Variants in SGPP2 observed in about 807,000 individuals in gnomAD.
SGPP2 encodes the protein sphingosine 1-phosphate phosphohydrolase 2.
SGPP2 carries 30 observed loss-of-function variants against 33.9 expected under a neutral mutation model. The ratio of observed to expected loss-of-function variants is 0.89; its 90% CI spans 0.66 to 1.20. The LOEUF (loss-of-function observed/expected upper bound fraction) is 1.20, where lower values mean the gene tolerates loss of function less well. Ranked by LOEUF, SGPP2 falls within the 50% of genes most tolerant of loss-of-function variation. The pLI, the probability that SGPP2 is intolerant of heterozygous loss-of-function variation, is 0.00. For missense variants in SGPP2, 458 were observed against 532.1 expected, an observed-to-expected ratio of 0.86 and a Z score of 1.37; for synonymous variants, 233 against 225.0, an observed-to-expected ratio of 1.04 and a Z score of -0.32.
At chr2:222,537,929 T>C (rs989988020) in intron 4 of SGPP2, among the ~76,000 whole-genome samples, 1 of 152,238 alleles carries the variant, frequency 6.6e-6, no homozygotes, top group Non-Finnish European at 1.5e-5. Context: ...AACAACCTGA[T>C]GTCCTTCAAC....
At chr2:222,552,475 T>C (rs1288870780) in intron 4 of SGPP2, among the ~76,000 whole-genome samples, 3 of 152,116 alleles carry the variant, frequency 2.0e-5, no homozygotes, top group Non-Finnish European at 2.9e-5. Context: ...GAGGAAAGGA[T>C]GAGAGGGGGG....
intron 1 of SGPP2, among the ~76,000 whole-genome samples, chr2:222,463,240 G>A (rs1559150619): frequency 6.6e-6 from 1 of 152,126 alleles, no homozygotes; most frequent in African/African-American, 2.4e-5. Flanking sequence ...TCACCCCAGG[G>A]ACTGGGAAGG....
intron 2 of SGPP2, among the ~76,000 whole-genome samples, chr2:222,482,397 T>G (rs535304638): frequency 6.6e-6 from 1 of 152,312 alleles, no homozygotes; most frequent in Non-Finnish European, 1.5e-5. Context: ...TTTATTTGAT[T>G]AATTGATTGA....
At chr2:222,533,746 C>T (rs1256764316) in intron 4 of SGPP2, among the ~76,000 whole-genome samples, 3 of 152,026 alleles carry the variant, frequency 2.0e-5, no homozygotes, top group African/African-American at 4.8e-5. Flanking sequence ...TTCATACTCT[C>T]GGTCTGCCAT....
intron 2 of SGPP2, 100 bp from the exon 3 acceptor site, chr2:222,521,667 C>T: frequency 3.1e-6 from 4 of 1,293,408 alleles, no homozygotes; most frequent in Non-Finnish European, 4.3e-6. Context: ...AAGGAGCCTT[C>T]AATCAACAAC....
At chr2:222,514,737 G>A (rs1233060124) in intron 2 of SGPP2, among the ~76,000 whole-genome samples, 1 of 152,126 alleles carries the variant, frequency 6.6e-6, no homozygotes, top group Non-Finnish European at 1.5e-5. Context: ...TTTTCATAGA[G>A]TGGCACTGTC....
intron 2 of SGPP2, among the ~76,000 whole-genome samples, chr2:222,496,762 C>T (rs1471336153): frequency 6.6e-6 from 1 of 152,184 alleles, no homozygotes; most frequent in Non-Finnish European, 1.5e-5. Flanking sequence ...CATGCTCTCA[C>T]CATTCCTGCT....
At chr2:222,429,536 T>A (rs4674646) in intron 1 of SGPP2, among the ~76,000 whole-genome samples, 113,704 of 152,164 alleles carry the variant, frequency 0.75, 42,666 homozygotes, top group Middle Eastern at 0.86. Context: ...AAGAGAAAGT[T>A]AAATTCATGC....
rs3943728 is a variant in SGPP2, at chr2:222,450,164, G to A, written c.220-24404G>A. Among the ~76,000 whole-genome samples the A allele has an allele frequency of 8.4e-3, 1,285 of 152,284 alleles. 24 individuals carry two copies. Among genetic ancestry groups the A allele is most frequent in the African/African-American group, 0.029 (1,187 of 41,552 alleles). ...CAAACATTTCTGCCTCCTCTGAGAC[G>A]AAGAAAGCACTCACTAACTGTTCCA... On this transcript the variant is annotated intron_variant, in intron 1 of 4. Transcript: ENST00000321276.
intron 2 of SGPP2, among the ~76,000 whole-genome samples, chr2:222,501,713 C>T (rs925757181): frequency 6.6e-6 from 1 of 152,150 alleles, no homozygotes; most frequent in Non-Finnish European, 1.5e-5. Flanking sequence ...AGAATAGATA[C>T]TCTCTGAGGC....
At chr2:222,534,824 G>A (rs115709768) in intron 4 of SGPP2, among the ~76,000 whole-genome samples, 25 of 152,232 alleles carry the variant, frequency 1.6e-4, no homozygotes, top group African/African-American at 5.8e-4. Flanking sequence ...TGTAAAAATA[G>A]GGAATTATTT....
chr2:222,489,597 A>G (rs1310186335), intron 2 of SGPP2, among the ~76,000 whole-genome samples: 1 of 152,090 alleles, frequency 6.6e-6, no homozygotes, highest in Non-Finnish European at 1.5e-5. Context: ...AAGTCTTCTA[A>G]TCTACAAAGA....
At chr2:222,435,855 GCCCATT>G (rs1697231515) in intron 1 of SGPP2, among the ~76,000 whole-genome samples, 1 of 152,284 alleles carries the variant, frequency 6.6e-6, no homozygotes, top group Non-Finnish European at 1.5e-5. Flanking sequence ...ACCTTCTACT[GCCCATT>G]CCCTTTGCCT....
intron 1 of SGPP2, among the ~76,000 whole-genome samples, chr2:222,431,364 G>A (rs1697152508): frequency 6.6e-6 from 1 of 152,036 alleles, no homozygotes; most frequent in Non-Finnish European, 1.5e-5. Flanking sequence ...AAATTAGCCA[G>A]GTGTGGTGGC....
intron 4 of SGPP2, among the ~76,000 whole-genome samples, chr2:222,543,399 C>T (rs771140503): frequency 6.6e-6 from 1 of 152,150 alleles, no homozygotes; most frequent in African/African-American, 2.4e-5. Context: ...CATTCCAAGA[C>T]CCTCAAAGGA....
chr2:222,473,196 G>T (rs1697874682), intron 1 of SGPP2, among the ~76,000 whole-genome samples: 1 of 152,174 alleles, frequency 6.6e-6, no homozygotes, highest in Admixed American at 6.5e-5. Context: ...AGCAGTTTCA[G>T]ATTTATTCTC....
At chr2:222,533,938 G>A (rs1218416678) in intron 4 of SGPP2, among the ~76,000 whole-genome samples, 1 of 152,116 alleles carries the variant, frequency 6.6e-6, no homozygotes, top group African/African-American at 2.4e-5. Flanking sequence ...GAACCAGCCA[G>A]GTCTGGAGCC....
intron 4 of SGPP2, among the ~76,000 whole-genome samples, chr2:222,537,238 A>G (rs761165039): frequency 6.6e-6 from 1 of 152,248 alleles, no homozygotes; most frequent in African/African-American, 2.4e-5. Context: ...ATGATATCAA[A>G]TGAATAATCC....
Position 222,460,734 on chromosome 2 carries a change from G to A in SGPP2, c.220-13834G>A, listed in dbSNP as rs1697645917. Among the ~76,000 whole-genome samples the A allele has an allele frequency of 6.6e-6, 1 of 152,128 alleles. No homozygotes were observed. The highest frequency in any genetic ancestry group is 2.4e-5 in the African/African-American group (1 of 41,420). On this transcript the variant is annotated intron_variant, in intron 1 of 4. Transcript: ENST00000321276. The surrounding 1 kb of genome is among the most constrained non-coding windows in gnomAD (Gnocchi z 4.3). ...CTCACACCCTGGCTGCTCTGTCGTG[G>A]ACCAGGTACTGTTTCAGGAACACGG...
Sources: allele counts gnomAD v4.1 joint callset (sites outside exome capture counted in the v4.1 genomes callset), GRCh38; gene constraint gnomAD v4.1.1; non-coding constraint Gnocchi (gnomAD v3.1); transcripts MANE v1.5; gene names NCBI Gene and HGNC (gene_info 2026-07-23, HGNC 2026-07-21).